The following PI4KA variants were observed in gnomAD, a reference collection of about 807,000 sequenced individuals.
The protein encoded by PI4KA is phosphatidylinositol 4-kinase alpha.
PI4KA carries 122 observed loss-of-function variants against 271.4 expected under a neutral mutation model. The ratio of observed to expected loss-of-function variants is 0.45; its 90% CI spans 0.39 to 0.52. The LOEUF is 0.52. PI4KA is among the 20% of genes least tolerant of loss of function. PI4KA has a pLI of 0.00. For synonymous variants in PI4KA, 1,041 were observed against 1,078.8 expected (o/e 0.96, Z 0.69); for missense variants, 1,969 against 2,769.1 (o/e 0.71, Z 6.48).
At chr22:20,749,575 T>C (rs1170838671) in intron 28 of PI4KA, among the ~76,000 whole-genome samples, 2 of 152,252 alleles carry the variant, frequency 1.3e-5, no homozygotes, top group African/African-American at 2.4e-5. Flanking sequence ...CACTTGGCAC[T>C]TAGAGATGCT....
intron 10 of PI4KA, 34 bp from the exon 11 acceptor site, chr22:20,805,199 C>G: frequency 6.8e-7 from 1 of 1,481,292 alleles, no homozygotes; most frequent in Non-Finnish European, 9.4e-7. Context: ...CAGCTGGGAA[C>G]AAAACTACAG....
intron 3 of PI4KA, among the ~76,000 whole-genome samples, chr22:20,834,303 G>C (rs1438318560): frequency 6.6e-6 from 1 of 152,164 alleles, no homozygotes; most frequent in Non-Finnish European, 1.5e-5. Context: ...GGTTCTTGAA[G>C]GTCTCAACGT....
At chr22:20,731,786 A>G (rs1175159786) in intron 36 of PI4KA, among the ~76,000 whole-genome samples, 8 of 152,032 alleles carry the variant, frequency 5.3e-5, no homozygotes, top group Non-Finnish European at 8.8e-5. Flanking sequence ...AAAATTAGCC[A>G]GGTGTGGTAG....
chr22:20,826,261 C>T (rs1487252512), intron 3 of PI4KA, among the ~76,000 whole-genome samples: 1 of 151,996 alleles, frequency 6.6e-6, no homozygotes, highest in Non-Finnish European at 1.5e-5. Flanking sequence ...GAGAATCGCT[C>T]GAACCTGGGA....
chr22:20,728,144 G>A (rs1235278211), intron 39 of PI4KA, among the ~76,000 whole-genome samples: 2 of 152,112 alleles, frequency 1.3e-5, no homozygotes, highest in African/African-American at 4.8e-5. Context: ...ATGCTTGAGG[G>A]GATGGATACC....
At chr22:20,725,571 C>T (rs1420312151) in intron 42 of PI4KA, 1 of 451,120 alleles carries the variant, frequency 2.2e-6, no homozygotes, top group Admixed American at 2.4e-5. Flanking sequence ...AAGGATGACC[C>T]TGTAAGGACT....
intron 32 of PI4KA, among the ~76,000 whole-genome samples, chr22:20,740,046 A>AGT (rs1275127357): frequency 1.5e-5 from 2 of 130,954 alleles, no homozygotes; most frequent in Admixed American, 8.6e-5. Flanking sequence ...TGGGCAACAG[A>AGT]GTGAGACCCC....
chr22:20,856,453 T>G, intron 1 of PI4KA, among the ~76,000 whole-genome samples: 1 of 131,180 alleles, frequency 7.6e-6, no homozygotes, highest in South Asian at 2.4e-4. Context: ...TTTTTTTTTT[T>G]GAGACAGTTT....
Position 20,799,230 on chromosome 22 carries a change from T to C in PI4KA, c.1867A>G (p.Ile623Val). 6.4e-7 allele frequency: 1 copy of C among 1,563,546 alleles called. No homozygotes were observed. The highest frequency in any genetic ancestry group is 8.7e-7 in the Non-Finnish European group (1 of 1,155,126). The change falls in exon 16 of 55, where the codon ATT becomes GTT. Residue 623 changes from isoleucine to valine, a missense_variant. Physicochemically the swap from Ile to Val is conservative, Grantham distance 29. Transcript: ENST00000255882. ...PDHTIRALGH[I>V]AVALRDTPKV... ...GGGGTGTCCCTCAAGGCCACCGCAA[T>C]GTGTCCCAAGGCTCGGATTGTGTGG...
intron 14 of PI4KA, among the ~76,000 whole-genome samples, chr22:20,800,873 CA>C (rs376870559): frequency 8.7e-4 from 106 of 122,424 alleles, no homozygotes; most frequent in Admixed American, 1.2e-3. Flanking sequence ...GACTCTGTCT[CA>C]AAAAAAAAAA....
At chr22:20,788,774 C>T (rs965463046) in intron 19 of PI4KA, among the ~76,000 whole-genome samples, 2 of 152,192 alleles carry the variant, frequency 1.3e-5, no homozygotes, top group African/African-American at 4.8e-5. Flanking sequence ...ACTGCTTCAC[C>T]ACTCTTCTTT....
In PI4KA at chr22:20,784,391, C is replaced by T. The variant is rs569962236; in HGVS notation, c.2328+8802G>A. On this transcript the variant is annotated intron_variant, in intron 19 of 54. Transcript: ENST00000255882. ...ATACAGGGCCACTCTGTTAATTCAGCCCCAATTTGTTGCTTGAGATAAGAG... is the reference window on the plus strand; with the variant it reads ...ATACAGGGCCACTCTGTTAATTCAGTCCCAATTTGTTGCTTGAGATAAGAG... 45 of 1,134,034 alleles carry T rather than the reference C, an allele frequency of 4.0e-5. No homozygotes were observed. The East Asian group carries it at 1.1e-3, about 28-fold the overall frequency. 70.2% of individuals were successfully genotyped at this position (1,134,034 alleles called of 1,614,324 possible).
chr22:20,804,301 T>G lies in PI4KA; in HGVS notation c.1460A>C (p.Gln487Pro), dbSNP rs1449885725. The change falls in exon 12 of 55, where the codon CAG (glutamine) becomes CCG (proline). Residue 487 changes from glutamine to proline, a missense_variant and splice_region_variant. Physicochemically the swap from Gln to Pro is moderately conservative, Grantham distance 76. Transcript: ENST00000255882. The stretch of plus-strand genomic sequence containing the variant: ...CTCTCTGGGTTCAGGGAGACTGACC[T>G]GCAGACAGCAGATCAGCAGGGGCAA... ...AHLPLLICCL[Q>P]GLGRLCERFP... 1.2e-6 allele frequency: 2 copies of G among 1,609,182 alleles called. No homozygotes were observed. The highest frequency in any genetic ancestry group is 2.7e-5 in the African/African-American group (2 of 74,838).
chr22:20,846,658 T>C (rs1252751701), intron 1 of PI4KA, among the ~76,000 whole-genome samples: 3 of 151,024 alleles, frequency 2.0e-5, no homozygotes, highest in Non-Finnish European at 4.4e-5. Context: ...GCCTGGTCAA[T>C]ATGGTGAAAC....
intron 12 of PI4KA, among the ~76,000 whole-genome samples, chr22:20,803,524 C>T (rs1283168301): frequency 6.6e-6 from 1 of 152,122 alleles, no homozygotes; most frequent in Non-Finnish European, 1.5e-5. Context: ...ACATCAACTA[C>T]TATTTTTTTG....
intron 23 of PI4KA, among the ~76,000 whole-genome samples, chr22:20,759,402 CTTTT>C (rs886192073): frequency 2.9e-5 from 3 of 102,896 alleles, no homozygotes; most frequent in East Asian, 3.1e-4. Context: ...CTTTTCTTTT[CTTTT>C]TTTTTTTTTT....
intron 32 of PI4KA, among the ~76,000 whole-genome samples, chr22:20,741,614 A>C (rs550993506): frequency 6.6e-6 from 1 of 152,204 alleles, no homozygotes; most frequent in Non-Finnish European, 1.5e-5. Context: ...TTTTAATTAC[A>C]TTTTTGGAAA....
At chr22:20,752,860 TTA>T in intron 25 of PI4KA, 41 bp downstream of exon 25, 3 of 1,593,568 alleles carry the variant, frequency 1.9e-6, no homozygotes, top group Non-Finnish European at 2.6e-6. Context: ...TCACAGAAGT[TTA>T]TATACATACA....
intron 23 of PI4KA, among the ~76,000 whole-genome samples, chr22:20,756,076 G>T (rs1028508254): frequency 6.6e-6 from 1 of 152,172 alleles, no homozygotes; most frequent in African/African-American, 2.4e-5. Flanking sequence ...AGGGTAAGTG[G>T]GACCGCAGCA....
Sources: allele counts gnomAD v4.1 joint callset (sites outside exome capture counted in the v4.1 genomes callset), GRCh38; gene constraint gnomAD v4.1.1; transcripts MANE v1.5; gene names NCBI Gene and HGNC (gene_info 2026-07-23, HGNC 2026-07-21).